SNTB1: variants seen among roughly 807,000 people sequenced by gnomAD.
SNTB1 encodes the protein syntrophin beta 1.
In SNTB1, 36 loss-of-function variants were observed where a neutral mutation model predicts 48.9. The observed-to-expected ratio is 0.74, with a 90% CI of 0.56 to 0.97. SNTB1 has a LOEUF of 0.97. SNTB1 is among the 50% of genes least tolerant of loss of function. SNTB1 has a pLI of 0.00. For synonymous variants in SNTB1, 299 were observed against 294.6 expected (o/e 1.01, Z -0.15); for missense variants, 786 against 703.4 (o/e 1.12, Z -1.33).
chr8:120,700,231 C>T (rs1818284340), intron 1 of SNTB1, among the ~76,000 whole-genome samples: 1 of 151,826 alleles, frequency 6.6e-6, no homozygotes, highest in Admixed American at 6.6e-5. Context: ...TGTGAGAAAA[C>T]ATCCAATTAA....
chr8:120,686,928 T>C (rs1245986433), intron 2 of SNTB1, among the ~76,000 whole-genome samples: 1 of 152,130 alleles, frequency 6.6e-6, no homozygotes, highest in Non-Finnish European at 1.5e-5. Context: ...CAACAAAGAA[T>C]GAAGAAACTA....
chr8:120,722,855 C>G (rs925588256), intron 1 of SNTB1, among the ~76,000 whole-genome samples: 3 of 152,088 alleles, frequency 2.0e-5, no homozygotes, highest in African/African-American at 7.2e-5. Flanking sequence ...AGGTTTTCTT[C>G]TAGAGTTTTT....
chr8:120,789,727 A>T (rs988689159), intron 1 of SNTB1, among the ~76,000 whole-genome samples: 2 of 152,036 alleles, frequency 1.3e-5, no homozygotes, highest in African/African-American at 2.4e-5. Flanking sequence ...AAGCAATGAG[A>T]TTGACTCAGT....
intron 4 of SNTB1, among the ~76,000 whole-genome samples, chr8:120,549,640 T>C (rs918756243): frequency 6.6e-6 from 1 of 152,216 alleles, no homozygotes; most frequent in African/African-American, 2.4e-5. Context: ...GTGACTTCCA[T>C]AGTAAATATT....
At chr8:120,744,589 C>T (rs1819095519) in intron 1 of SNTB1, among the ~76,000 whole-genome samples, 1 of 152,086 alleles carries the variant, frequency 6.6e-6, no homozygotes. Context: ...CAGGGGAACT[C>T]AGTGGGAATA....
chr8:120,622,343 T>A (rs1816807443), intron 3 of SNTB1, among the ~76,000 whole-genome samples: 1 of 152,158 alleles, frequency 6.6e-6, no homozygotes. Flanking sequence ...AATCAATATT[T>A]TAAAAACTTC....
intron 5 of SNTB1, among the ~76,000 whole-genome samples, chr8:120,546,593 C>T (rs913930537): frequency 1.3e-5 from 2 of 152,076 alleles, no homozygotes; most frequent in Non-Finnish European, 2.9e-5. Flanking sequence ...TTCCTGCCTC[C>T]CAAGTAGCTG....
chr8:120,744,934 T>C (rs1471460804), intron 1 of SNTB1, among the ~76,000 whole-genome samples: 1 of 152,218 alleles, frequency 6.6e-6, no homozygotes, highest in African/African-American at 2.4e-5. Context: ...CCAAATAAAA[T>C]GGCTGGTTAC....
At chr8:120,569,273 C>T (rs1483660674) in intron 4 of SNTB1, among the ~76,000 whole-genome samples, 16 of 152,208 alleles carry the variant, frequency 1.1e-4, no homozygotes, top group Non-Finnish European at 5.9e-5. Flanking sequence ...AGCTACTGTG[C>T]CCAGCCCGCA....
At chr8:120,583,899 T>A (rs1249795017) in intron 3 of SNTB1, among the ~76,000 whole-genome samples, 1 of 152,186 alleles carries the variant, frequency 6.6e-6, no homozygotes, top group Non-Finnish European at 1.5e-5. Context: ...ACATCATGAC[T>A]AAGCAGGGAT....
At chr8:120,585,494 C>CGA (rs1221042542) in intron 3 of SNTB1, among the ~76,000 whole-genome samples, 1 of 152,250 alleles carries the variant, frequency 6.6e-6, no homozygotes, top group African/African-American at 2.4e-5. Context: ...CTAAGCCTCA[C>CGA]ATCTGCTTAA....
intron 1 of SNTB1, among the ~76,000 whole-genome samples, chr8:120,708,165 T>C (rs995359435): frequency 6.6e-6 from 1 of 151,710 alleles, no homozygotes; most frequent in Non-Finnish European, 1.5e-5. Flanking sequence ...TTTATGGTAA[T>C]AAGTTTGAAA....
At chr8:120,559,861 G>A (rs1168596880) in intron 4 of SNTB1, among the ~76,000 whole-genome samples, 1 of 151,920 alleles carries the variant, frequency 6.6e-6, no homozygotes, top group Non-Finnish European at 1.5e-5. Context: ...GGGTTGCTAA[G>A]CAATATTACA....
intron 1 of SNTB1, among the ~76,000 whole-genome samples, chr8:120,785,429 C>T (rs1051780917): frequency 2.0e-5 from 3 of 152,304 alleles, no homozygotes; most frequent in East Asian, 3.9e-4. Flanking sequence ...TTGCCAAATG[C>T]GTGGGAGCTG....
chr8:120,592,788 T>G (rs1816264080), intron 3 of SNTB1, among the ~76,000 whole-genome samples: 1 of 152,212 alleles, frequency 6.6e-6, no homozygotes, highest in East Asian at 1.9e-4. Context: ...TGAGTCAGTT[T>G]CCCTTTCTCC....
intron 1 of SNTB1, among the ~76,000 whole-genome samples, chr8:120,697,286 T>C (rs907666743): frequency 6.6e-6 from 1 of 152,034 alleles, no homozygotes. Context: ...CCATTGGGAG[T>C]AATATTCTGC....
At chr8:120,607,287 G>C (rs1024545304) in intron 3 of SNTB1, among the ~76,000 whole-genome samples, 1 of 152,152 alleles carries the variant, frequency 6.6e-6, no homozygotes, top group African/African-American at 2.4e-5. Flanking sequence ...GTTATTGAGA[G>C]GGAATATTCA....
At chr8:120,786,307 A>G (rs1819923684) in intron 1 of SNTB1, among the ~76,000 whole-genome samples, 1 of 152,148 alleles carries the variant, frequency 6.6e-6, no homozygotes, top group Non-Finnish European at 1.5e-5. Context: ...CAGGCCTTGC[A>G]CCCCTGCACT....
At chr8:120,585,116 C>T (rs958299619) in intron 3 of SNTB1, among the ~76,000 whole-genome samples, 1 of 152,130 alleles carries the variant, frequency 6.6e-6, no homozygotes, top group South Asian at 2.1e-4. Flanking sequence ...CAAGGGCATT[C>T]GAGCCCTATG....
Sources: gnomAD v4.1 joint callset for allele counts (sites outside exome capture counted in the v4.1 genomes callset) on GRCh38, gnomAD v4.1.1 for gene constraint, MANE v1.5 for transcripts, NCBI Gene and HGNC (gene_info 2026-07-23, HGNC 2026-07-21) for gene names.